PLB1: variants seen among roughly 807,000 people sequenced by gnomAD.
The protein encoded by PLB1 is phospholipase B1, membrane-associated.
In PLB1, 242 loss-of-function variants were observed where a neutral mutation model predicts 227.4. The ratio of observed to expected loss-of-function variants is 1.06; its 90% confidence interval spans 0.96 to 1.18. PLB1 has a LOEUF of 1.18. PLB1 is among the 50% of genes most tolerant of loss of function. PLB1 has a pLI of 0.00. For synonymous variants in PLB1, 757 were observed against 682.2 expected, an observed-to-expected ratio of 1.11 and a Z score of -1.71; for missense variants, 1,858 against 1,816.3, an observed-to-expected ratio of 1.02 and a Z score of -0.42.
intron 41 of PLB1, among the ~76,000 whole-genome samples, chr2:28,605,446 C>T (rs2148305480): frequency 6.6e-6 from 1 of 152,196 alleles, no homozygotes; most frequent in African/African-American, 2.4e-5. Context: ...GGCTTTGTTC[C>T]ATTCTCCCCA....
At position 28,603,960 on chromosome 2, in the gene PLB1, G is replaced by A; in HGVS notation, c.2775-6G>A. 6.2e-7 allele frequency: 1 copy of A among 1,613,974 alleles called. No individual in the cohort carries two copies. Among genetic ancestry groups the A allele is most frequent in the Non-Finnish European group, 8.5e-7 (1 of 1,179,838 alleles). On this transcript the variant is annotated splice_region_variant and splice_polypyrimidine_tract_variant and intron_variant, in intron 39 of 57. Transcript: ENST00000327757. ...TGGGGCCTCCTGCCTCCCCCTCTTTGTGCAGCGTTTTGTGTAACTGCGTTC... is the reference window on the plus strand; with the variant it reads ...TGGGGCCTCCTGCCTCCCCCTCTTTATGCAGCGTTTTGTGTAACTGCGTTC...
intron 46 of PLB1, 56 bp downstream of exon 46, chr2:28,618,455 G>C: frequency 1.9e-6 from 3 of 1,549,890 alleles, no homozygotes; most frequent in Non-Finnish European, 2.7e-6. Flanking sequence ...CAGGCCCTGC[G>C]CAGAATCTGT....
intron 56 of PLB1, among the ~76,000 whole-genome samples, chr2:28,634,040 T>C (rs1010488217): frequency 6.6e-6 from 1 of 152,194 alleles, no homozygotes; most frequent in Non-Finnish European, 1.5e-5. Flanking sequence ...ACTTTCTCCT[T>C]AGCTATACCA....
At chr2:28,507,291 G>A (rs1667740874) in intron 1 of PLB1, among the ~76,000 whole-genome samples, 1 of 152,130 alleles carries the variant, frequency 6.6e-6, no homozygotes, top group African/African-American at 2.4e-5. Context: ...CCACAGACTG[G>A]GTCATTTATA....
intron 17 of PLB1, among the ~76,000 whole-genome samples, chr2:28,557,742 A>G (rs762958515): frequency 6.6e-6 from 1 of 152,232 alleles, no homozygotes. Context: ...ATGTTTAGCT[A>G]ATCAGCCCAC....
intron 6 of PLB1, among the ~76,000 whole-genome samples, chr2:28,528,232 C>T (rs1392551119): frequency 6.6e-6 from 1 of 152,164 alleles, no homozygotes; most frequent in Non-Finnish European, 1.5e-5. Flanking sequence ...TTTAAAGCCA[C>T]CTTCTGGATT....
chr2:28,562,543 A>AAAAAAAAAAAAAAAAAAAC (rs1676225078), intron 17 of PLB1, among the ~76,000 whole-genome samples: 1 of 148,362 alleles, frequency 6.7e-6, no homozygotes, highest in African/African-American at 2.5e-5. Flanking sequence ...TCTGTCTCAA[A>AAAAAAAAAAAAAAAAAAAC]AAAAAAAAAA....
chr2:28,505,609 G>A (rs1376696244), intron 1 of PLB1, among the ~76,000 whole-genome samples: 1 of 152,190 alleles, frequency 6.6e-6, no homozygotes, highest in Admixed American at 6.5e-5. Context: ...AACTCATTGA[G>A]TGAGAAAAGG....
In PLB1 at chr2:28,538,518, A is replaced by G. The variant is rs74482515; in HGVS notation, c.618+137A>G. 1,124 of 715,466 alleles carry G rather than the reference A, an allele frequency of 1.6e-3. 12 individuals carry two copies. In the African/African-American group the frequency reaches 0.018, roughly 12 times the overall value. The allele number at this position is 715,466 out of a possible 1,614,324, so 44.3% of individuals were successfully genotyped here. On this transcript the variant is annotated intron_variant, in intron 10 of 57. Coordinates refer to ENST00000327757, the MANE Select transcript of PLB1 (RefSeq NM_153021.5). ...GAAAGGGGAAACTTTAGAGCACCCC[A>G]TCTTCTCATCCTTTCAAATGAGAAC... is the stretch of plus-strand genomic sequence containing the variant.
At chr2:28,558,165 T>C (rs1558756023) in intron 17 of PLB1, among the ~76,000 whole-genome samples, 1 of 150,570 alleles carries the variant, frequency 6.6e-6, no homozygotes, top group African/African-American at 2.5e-5. Flanking sequence ...TCTGTGTGTG[T>C]GTGTGTGTGT....
In PLB1 at chr2:28,628,561, A is replaced by G; in HGVS notation, c.3661-2A>G. On this transcript the variant is annotated splice_acceptor_variant, in intron 51 of 57. Coordinates refer to ENST00000327757, the MANE Select transcript of PLB1 (RefSeq NM_153021.5). LOFTEE classifies it high-confidence loss of function. ...AAAGAGAGTACCCTTTTTTCCTTAC[A>G]GGAGGCCCACTTGGCCACGGAATAT... The G allele has an allele frequency of 1.2e-6, 2 of 1,613,738 alleles. No individual in the cohort carries two copies. Among genetic ancestry groups the G allele is most frequent in the Non-Finnish European group, 1.7e-6 (2 of 1,179,788 alleles).
Position 28,496,087 on chromosome 2 carries a change from A to G in PLB1, c.-28A>G. 1 of 1,611,452 alleles carries G rather than the reference A, an allele frequency of 6.2e-7. No homozygotes were observed. ...CCATCTGCTGGAGCAGCTCTTCCAGAGGCCCGAGTCACCTGGAGCATTCTG... is the reference window on the plus strand; with the variant it reads ...CCATCTGCTGGAGCAGCTCTTCCAGGGGCCCGAGTCACCTGGAGCATTCTG... On this transcript the variant is annotated 5_prime_UTR_variant, in exon 1 of 58. Transcript: ENST00000327757.
At chr2:28,628,966 T>C in intron 52 of PLB1, 128 bp from the exon 53 acceptor site, 1 of 729,064 alleles carries the variant, frequency 1.4e-6, no homozygotes, top group Non-Finnish European at 2.3e-6. Context: ...ACAAGTTGCA[T>C]CCCCTCTCTG....
At chr2:28,507,826 A>G (rs1381678400) in intron 1 of PLB1, among the ~76,000 whole-genome samples, 1 of 152,120 alleles carries the variant, frequency 6.6e-6, no homozygotes, top group Non-Finnish European at 1.5e-5. Context: ...GAGGTCTGTA[A>G]TTGGTGGTGT....
At chr2:28,600,069 G>A (rs1683623774) in intron 35 of PLB1, among the ~76,000 whole-genome samples, 1 of 152,012 alleles carries the variant, frequency 6.6e-6, no homozygotes, top group Admixed American at 6.6e-5. Flanking sequence ...CACTATACCT[G>A]GCTAATTTTT....
chr2:28,638,879 A>G (rs1045731319), intron 56 of PLB1, among the ~76,000 whole-genome samples: 3 of 151,030 alleles, frequency 2.0e-5, no homozygotes, highest in Non-Finnish European at 4.4e-5. Context: ...GAGGGCCAAT[A>G]TGGTGAAACC....
At chr2:28,621,031 G>C (rs897699262) in intron 49 of PLB1, 53 bp downstream of exon 49, 74 of 1,482,340 alleles carry the variant, frequency 5.0e-5, no homozygotes, top group Non-Finnish European at 6.9e-5. Flanking sequence ...GAGACATCAG[G>C]GTGGGAAACC....
intron 25 of PLB1, among the ~76,000 whole-genome samples, chr2:28,585,261 G>A (rs940551185): frequency 6.6e-6 from 1 of 151,900 alleles, no homozygotes; most frequent in African/African-American, 2.4e-5. Flanking sequence ...GCAAATCCAG[G>A]TCTAGGAATT....
In PLB1 at chr2:28,582,402, C is replaced by T. The variant is rs990664607; in HGVS notation, c.1633-3C>T. On this transcript the variant is annotated splice_polypyrimidine_tract_variant and splice_region_variant and intron_variant, in intron 24 of 57. Transcript: ENST00000327757. Reference sequence around the variant, plus strand: ...CTTGGTGACTGAGTTTGCCTTTTCTCAGGTTCCTCGGGCATTTGTGAACCT... The same window carrying T: ...CTTGGTGACTGAGTTTGCCTTTTCTTAGGTTCCTCGGGCATTTGTGAACCT... 6.2e-7 allele frequency: 1 copy of T among 1,612,004 alleles called. No individual in the cohort carries two copies. The highest frequency in any genetic ancestry group is 1.1e-5 in the South Asian group (1 of 90,462).
Sources: allele counts gnomAD v4.1 joint callset (sites outside exome capture counted in the v4.1 genomes callset), GRCh38; gene constraint gnomAD v4.1.1; transcripts MANE v1.5; gene names NCBI Gene and HGNC (gene_info 2026-07-23, HGNC 2026-07-21).